The following SLC14A2 variants were observed in gnomAD, a reference collection of about 807,000 sequenced individuals.
SLC14A2 encodes solute carrier family 14 member 2, also known as urea transporter 2.
In SLC14A2, 91 loss-of-function variants were observed where a neutral mutation model predicts 104.6. The observed-to-expected ratio is 0.87, with a 90% CI of 0.73 to 1.04. The LOEUF (loss-of-function observed/expected upper bound fraction) is 1.04, where lower values mean the gene tolerates loss of function less well. Among genes scored for constraint, SLC14A2 ranks in the 50% least tolerant of loss-of-function variants. The probability of loss-of-function intolerance (pLI) is 0.00; values close to 1 mark genes in which losing one functional copy is unlikely to be tolerated. For missense variants in SLC14A2, 1,189 were observed against 1,156.0 expected (o/e 1.03, Z -0.41); for synonymous variants, 476 against 466.4 (o/e 1.02, Z -0.27).
At chr18:45,303,271 T>C (rs886714501) in intron 1 of SLC14A2, among the ~76,000 whole-genome samples, 1 of 152,304 alleles carries the variant, frequency 6.6e-6, no homozygotes, top group Admixed American at 6.5e-5. Flanking sequence ...TGAACATAGT[T>C]TGAACACTTA....
At chr18:45,507,111 T>C (rs181290974) in intron 2 of SLC14A2, 29 of 152,246 alleles carry the variant, frequency 1.9e-4, no homozygotes, top group Admixed American at 7.8e-4. Context: ...GAAAGGGAGA[T>C]TATAACTACA....
At chr18:45,314,102 A>G (rs981200297) in intron 1 of SLC14A2, among the ~76,000 whole-genome samples, 3 of 152,230 alleles carry the variant, frequency 2.0e-5, no homozygotes, top group African/African-American at 7.2e-5. Flanking sequence ...ACCAGAAAGC[A>G]CAGCAGAAGA....
intron 1 of SLC14A2, among the ~76,000 whole-genome samples, chr18:45,471,205 T>C (rs2087242174): frequency 6.6e-6 from 1 of 152,208 alleles, no homozygotes; most frequent in Non-Finnish European, 1.5e-5. Flanking sequence ...GTTTCTTATT[T>C]GTTCTTAGTG....
At chr18:45,622,862 A>G (rs1322774644) in intron 1 of SLC14A2, among the ~76,000 whole-genome samples, 7 of 152,202 alleles carry the variant, frequency 4.6e-5, no homozygotes, top group Admixed American at 4.6e-4. Context: ...AAGAGAGAAA[A>G]GGGAAGCACC....
At chr18:45,401,340 T>G (rs981522024) in intron 1 of SLC14A2, among the ~76,000 whole-genome samples, 5 of 152,204 alleles carry the variant, frequency 3.3e-5, no homozygotes, top group African/African-American at 1.2e-4. Context: ...GCCATGAGGG[T>G]AGGGACTATT....
At chr18:45,647,134 G>A (rs1041568369) in intron 10 of SLC14A2, 28 of 152,190 alleles carry the variant, frequency 1.8e-4, no homozygotes, top group African/African-American at 6.5e-4. Flanking sequence ...AATTCTATCA[G>A]CCATGACAGT....
At chr18:45,436,083 C>T (rs1014557368) in intron 1 of SLC14A2, among the ~76,000 whole-genome samples, 5 of 152,034 alleles carry the variant, frequency 3.3e-5, no homozygotes, top group Non-Finnish European at 7.4e-5. Context: ...TGATACTGAA[C>T]GTAACACACT....
chr18:45,373,747 G>A (rs1327061627), intron 1 of SLC14A2, among the ~76,000 whole-genome samples: 1 of 152,204 alleles, frequency 6.6e-6, no homozygotes, highest in Non-Finnish European at 1.5e-5. Flanking sequence ...CTTGGGATCA[G>A]ACAGCCTGTG....
intron 1 of SLC14A2, among the ~76,000 whole-genome samples, chr18:45,409,234 G>A (rs889264355): frequency 6.6e-6 from 1 of 152,116 alleles, no homozygotes; most frequent in African/African-American, 2.4e-5. Flanking sequence ...CTACTGCAAG[G>A]AGCTGTTATG....
chr18:45,335,106 AAGTATC>A lies in SLC14A2; in HGVS notation c.-125+121916_-125+121921del, dbSNP rs950442193. ...TACCATCACCACAATCAAAATAATG[AAGTATC>A]TATCTTCCCCCCAAATTATCTTATG... On this transcript the variant is annotated intron_variant, in intron 1 of 20. Coordinates refer to the SLC14A2 transcript ENST00000586448. Among the ~76,000 whole-genome samples the A allele has an allele frequency of 6.7e-4, 102 of 152,276 alleles. 1 individual carries two copies. Among genetic ancestry groups the A allele is most frequent in the African/African-American group, 2.5e-3 (102 of 41,550 alleles).
intron 1 of SLC14A2, among the ~76,000 whole-genome samples, chr18:45,283,108 C>T (rs1212948077): frequency 3.9e-5 from 6 of 152,204 alleles, no homozygotes; most frequent in Admixed American, 3.9e-4. Context: ...CTGACTGTGA[C>T]CCTCCTGACT....
intron 2 of SLC14A2, among the ~76,000 whole-genome samples, chr18:45,545,797 T>C (rs1222529870): frequency 1.3e-5 from 2 of 152,216 alleles, no homozygotes; most frequent in Non-Finnish European, 2.9e-5. Context: ...TCTAGTTTAA[T>C]TGTGCGATGC....
intron 13 of SLC14A2, 67 bp downstream of exon 13, chr18:45,667,161 C>A (rs1360362550): frequency 2.2e-6 from 3 of 1,360,404 alleles, no homozygotes; most frequent in Non-Finnish European, 3.1e-6. Context: ...CCCCAGGAAA[C>A]CCATTGCCAT....
chr18:45,210,623 G>A (rs779580709), upstream of SLC14A2, among the ~76,000 whole-genome samples: 10 of 152,144 alleles, frequency 6.6e-5, no homozygotes, highest in Non-Finnish European at 1.5e-4. Flanking sequence ...TGTGTGCCAG[G>A]CACTGCCACA....
chr18:45,631,450 A>G (rs1395413684), intron 4 of SLC14A2, among the ~76,000 whole-genome samples: 1 of 152,212 alleles, frequency 6.6e-6, no homozygotes, highest in Non-Finnish European at 1.5e-5. Context: ...TTGTAGGTGC[A>G]TACACCAGCT....
At chr18:45,288,847 C>A (rs986776469) in intron 1 of SLC14A2, among the ~76,000 whole-genome samples, 1 of 152,196 alleles carries the variant, frequency 6.6e-6, no homozygotes, top group Admixed American at 6.5e-5. Flanking sequence ...GGAGACAGGG[C>A]TAGAGGTGTC....
chr18:45,168,721 CTCAAA>C, the SLC14A2 span: 1 of 151,818 alleles, frequency 6.6e-6, no homozygotes, highest in Non-Finnish European at 1.5e-5. Flanking sequence ...TGATGAAGCA[CTCAAA>C]TCAGGGCATT....
upstream of SLC14A2, among the ~76,000 whole-genome samples, chr18:45,208,983 T>C (rs2083937841): frequency 6.7e-6 from 1 of 150,362 alleles, no homozygotes; most frequent in South Asian, 2.1e-4. Flanking sequence ...TGATCAAAAA[T>C]GGATTTTGAG....
chr18:45,613,763 C>T (rs2045012017), upstream of SLC14A2, among the ~76,000 whole-genome samples: 1 of 152,158 alleles, frequency 6.6e-6, no homozygotes, highest in Non-Finnish European at 1.5e-5. Context: ...CAAGAGGTGA[C>T]CTCGGTGCTC....
Sources: allele counts gnomAD v4.1 joint callset (sites outside exome capture counted in the v4.1 genomes callset), GRCh38; gene constraint gnomAD v4.1.1; transcripts MANE v1.5; gene names NCBI Gene and HGNC (gene_info 2026-07-23, HGNC 2026-07-21).